SMURF2: variants seen among roughly 807,000 people sequenced by gnomAD.
The protein encoded by SMURF2 is SMAD specific E3 ubiquitin protein ligase 2.
A neutral mutation model predicts 109.6 loss-of-function variants in SMURF2; 48 were observed. The ratio of observed to expected loss-of-function variants is 0.44; its 90% CI spans 0.35 to 0.56. SMURF2 has a LOEUF of 0.56. Among genes scored for constraint, SMURF2 ranks in the 20% least tolerant of loss-of-function variants. The pLI is 0.01. For missense variants in SMURF2, 575 were observed against 909.0 expected (o/e 0.63, Z 4.72); for synonymous variants, 288 against 317.1 (o/e 0.91, Z 0.97).
chr17:64,622,344 A>G (rs1288120987), intron 1 of SMURF2, among the ~76,000 whole-genome samples: 1 of 152,140 alleles, frequency 6.6e-6, no homozygotes, highest in African/African-American at 2.4e-5. Flanking sequence ...GAACCAATAC[A>G]TTATTATACA....
chr17:64,627,416 T>C (rs1038919770), intron 1 of SMURF2, among the ~76,000 whole-genome samples: 1 of 152,160 alleles, frequency 6.6e-6, no homozygotes, highest in Non-Finnish European at 1.5e-5. Context: ...GCATCTGGCC[T>C]TAAGCCATTA....
intron 4 of SMURF2, among the ~76,000 whole-genome samples, chr17:64,591,843 CT>C (rs1969755533): frequency 6.6e-6 from 1 of 152,160 alleles, no homozygotes; most frequent in South Asian, 2.1e-4. Flanking sequence ...ATATCTTAGT[CT>C]TTGTATTTTC....
intron 1 of SMURF2, among the ~76,000 whole-genome samples, chr17:64,637,931 A>AAAAAAAAAAAAAAAAAAAAAAAAAAAAAT (rs1555692228): frequency 6.6e-6 from 1 of 151,388 alleles, no homozygotes; most frequent in African/African-American, 2.4e-5. Context: ...GTCAAAAAAA[A>AAAAAAAAAAAAAAAAAAAAAAAAAAAAAT]AAAAAAAAAA....
rs1969743457 is a variant in SMURF2 at position 64,590,977 on chromosome 17, A to C, written c.400+107T>G. On this transcript the variant is annotated intron_variant, in intron 5 of 18. Transcript: ENST00000262435. Reference sequence around the variant, plus strand: ...ACATTTTACCTGGCTCATTTAATTCAGGCCAACACAATGAAGCTACAGTTA... The same window carrying C: ...ACATTTTACCTGGCTCATTTAATTCCGGCCAACACAATGAAGCTACAGTTA... 6.1e-6 allele frequency: 4 copies of C among 653,772 alleles called. No individual in the cohort carries two copies. In the Admixed American group the frequency reaches 1.2e-4, roughly 20 times the overall value. The allele number at this position is 653,772 out of a possible 1,614,324, so 40.5% of individuals were successfully genotyped here. A position where few individuals can be genotyped will look rare whatever the true frequency, so the allele number is the denominator to read the frequency against.
chr17:64,623,384 T>C (rs932257206), intron 1 of SMURF2, among the ~76,000 whole-genome samples: 3 of 152,170 alleles, frequency 2.0e-5, no homozygotes, highest in Non-Finnish European at 2.9e-5. Context: ...ACCGAACCTC[T>C]GAGACTCCAG....
intron 1 of SMURF2, among the ~76,000 whole-genome samples, chr17:64,626,112 A>T (rs1555691154): frequency 6.6e-6 from 1 of 151,786 alleles, no homozygotes. Flanking sequence ...CAAAAAAATG[A>T]GCAAGACATG....
intron 2 of SMURF2, among the ~76,000 whole-genome samples, chr17:64,603,284 T>C (rs1389863834): frequency 2.6e-5 from 4 of 151,790 alleles, no homozygotes; most frequent in Admixed American, 1.3e-4. Context: ...AAAATACACA[T>C]AAAACAGATA....
intron 3 of SMURF2, among the ~76,000 whole-genome samples, chr17:64,596,664 C>T (rs1555688134): frequency 6.9e-6 from 1 of 145,946 alleles, no homozygotes; most frequent in Non-Finnish European, 1.5e-5. Context: ...ACAATAAAGG[C>T]AAGTCCCAGG....
intron 5 of SMURF2, among the ~76,000 whole-genome samples, chr17:64,590,144 C>CTTTTTTTTTTT (rs200015210): frequency 1.5e-5 from 2 of 136,952 alleles, no homozygotes; most frequent in African/African-American, 5.6e-5. Flanking sequence ...TTTTTCTTTT[C>CTTTTTTTTTTT]TTTTTTTTTT....
intron 1 of SMURF2, among the ~76,000 whole-genome samples, chr17:64,656,425 A>C (rs1970706256): frequency 6.6e-6 from 1 of 152,262 alleles, no homozygotes; most frequent in South Asian, 2.1e-4. Context: ...ACAGGAAAAT[A>C]TTCTGCTTCA....
chr17:64,645,303 C>T lies in SMURF2; in HGVS notation c.52+16526G>A, dbSNP rs1970545171. ...AAATTCAGAGGAAGAAAAGAGAAAG[C>T]TATAGTTTAAACGATAATTAAGAGA... On this transcript the variant is annotated intron_variant, in intron 1 of 18. Coordinates refer to ENST00000262435, the MANE Select transcript of SMURF2 (RefSeq NM_022739.4). Among the ~76,000 whole-genome samples, 5 of 152,236 alleles carry T rather than the reference C, an allele frequency of 3.3e-5. 1 individual carries two copies. The South Asian group carries it at 8.3e-4, about 25-fold the overall frequency.
chr17:64,546,427 A>G lies in SMURF2; in HGVS notation c.2072-89T>C, dbSNP rs1598264813. 5 of 1,116,988 alleles carry G rather than the reference A, an allele frequency of 4.5e-6. No individual in the cohort carries two copies. In the South Asian group the frequency reaches 6.8e-5, roughly 15 times the overall value. 69.2% of individuals were successfully genotyped at this position (1,116,988 alleles called of 1,614,324 possible). A position where few individuals can be genotyped will look rare whatever the true frequency, so the allele number is the denominator to read the frequency against. On this transcript the variant is annotated intron_variant, in intron 17 of 18. Transcript: ENST00000262435. Reference sequence around the variant, plus strand: ...AGAATAAAACTGGTAAGTTAACCACAGGATCTGGGGATAGGGGAATGCTAA... The same window carrying G: ...AGAATAAAACTGGTAAGTTAACCACGGGATCTGGGGATAGGGGAATGCTAA...
intron 4 of SMURF2, among the ~76,000 whole-genome samples, chr17:64,591,620 GTCAC>G (rs1248103954): frequency 1.3e-5 from 2 of 152,152 alleles, no homozygotes; most frequent in African/African-American, 4.8e-5. Context: ...CATCAGTTCT[GTCAC>G]TCATTCATTT....
intron 9 of SMURF2, among the ~76,000 whole-genome samples, chr17:64,574,228 T>C (rs1294168912): frequency 1.3e-5 from 2 of 152,216 alleles, no homozygotes; most frequent in African/African-American, 4.8e-5. Context: ...TCTACAGTCA[T>C]ACACGGGAGA....
At chr17:64,587,387 G>A (rs782439670) in intron 5 of SMURF2, among the ~76,000 whole-genome samples, 18 of 152,078 alleles carry the variant, frequency 1.2e-4, no homozygotes, top group Non-Finnish European at 2.2e-4. Context: ...CTGTAACCTT[G>A]AACAAAACAC....
chr17:64,564,404 C>T (rs79119786), intron 10 of SMURF2, among the ~76,000 whole-genome samples: 8,079 of 152,206 alleles, frequency 0.053, 308 homozygotes, highest in Admixed American at 0.13. Flanking sequence ...AGCAGGTCAG[C>T]AGTTGGCTGG....
intron 1 of SMURF2, among the ~76,000 whole-genome samples, chr17:64,616,379 C>T (rs782201441): frequency 7.2e-5 from 11 of 151,966 alleles, no homozygotes; most frequent in East Asian, 1.9e-4. Context: ...TGGCTGGGCA[C>T]GGTGGCTCTG....
Position 64,544,412 on chromosome 17 carries a change from TATC to T in SMURF2, c.*1433_*1435del, listed in dbSNP as rs1474353811. On this transcript the variant is annotated 3_prime_UTR_variant, in exon 19 of 19. Transcript: ENST00000262435. The stretch of plus-strand genomic sequence containing the variant: ...ATAACTTTAAATTTTGCAGCTTAAT[TATC>T]ATGAAAATTTGCTTATTTCACATCA... The T allele has an allele frequency of 6.6e-6, 1 of 151,332 alleles. No homozygotes were observed. Among genetic ancestry groups the T allele is most frequent in the Non-Finnish European group, 1.5e-5 (1 of 68,028 alleles). The allele number at this position is 151,332 out of a possible 1,614,324, so 9.4% of individuals were successfully genotyped here.
At chr17:64,629,270 G>A (rs550337633) in intron 1 of SMURF2, among the ~76,000 whole-genome samples, 6 of 152,186 alleles carry the variant, frequency 3.9e-5, no homozygotes, top group African/African-American at 7.2e-5. Context: ...GTAGGTCAGG[G>A]CGGGAGGATC....
Sources: gnomAD v4.1 joint callset for allele counts (sites outside exome capture counted in the v4.1 genomes callset) on GRCh38, gnomAD v4.1.1 for gene constraint, MANE v1.5 for transcripts, NCBI Gene and HGNC (gene_info 2026-07-23, HGNC 2026-07-21) for gene names.